Variants in PHYHIPL observed in about 807,000 individuals in gnomAD.
The protein encoded by PHYHIPL is phytanoyl-CoA 2-hydroxylase interacting protein like, also known as phytanoyl-CoA hydroxylase-interacting protein-like.
In PHYHIPL, 9 loss-of-function variants were observed where a neutral mutation model predicts 33.4. The ratio of observed to expected loss-of-function variants is 0.27; its 90% CI spans 0.16 to 0.47. The LOEUF is 0.47. Among genes scored for constraint, PHYHIPL ranks in the 20% least tolerant of loss-of-function variants. PHYHIPL has a pLI of 0.99. For synonymous variants in PHYHIPL, 153 were observed against 154.1 expected (o/e 0.99, Z 0.05); for missense variants, 365 against 460.7 (o/e 0.79, Z 1.90).
chr10:59,199,250 G>A (rs1329977451), intron 1 of PHYHIPL, among the ~76,000 whole-genome samples: 6 of 152,146 alleles, frequency 3.9e-5, no homozygotes, highest in Admixed American at 3.9e-4. Context: ...ATAAGGAAGG[G>A]ATCCAGTTTC....
rs562440022 is a variant in PHYHIPL at position 59,202,105 on chromosome 10, G to C, written c.106+25146G>C. Among the ~76,000 whole-genome samples the C allele has an allele frequency of 2.0e-5, 3 of 152,260 alleles. No homozygotes were observed. In the South Asian group the frequency reaches 6.2e-4, roughly 32 times the overall value. On this transcript the variant is annotated intron_variant, in intron 1 of 4. Transcript: ENST00000373880. Reference sequence around the variant, plus strand: ...GAATCACTCCAACGAAGGCTTAGTAGTGACTGGGGTTAGGGTAAGATTGAG... The same window carrying C: ...GAATCACTCCAACGAAGGCTTAGTACTGACTGGGGTTAGGGTAAGATTGAG...
intron 1 of PHYHIPL, among the ~76,000 whole-genome samples, chr10:59,198,177 A>G (rs542477635): frequency 6.6e-6 from 1 of 152,148 alleles, no homozygotes; most frequent in South Asian, 2.1e-4. Flanking sequence ...TACATTACGT[A>G]TATCTCCTAA....
chr10:59,200,011 A>G (rs922863203), intron 1 of PHYHIPL, among the ~76,000 whole-genome samples: 2 of 150,788 alleles, frequency 1.3e-5, no homozygotes, highest in East Asian at 1.9e-4. Flanking sequence ...AACAGGGTCA[A>G]TTTGACTTCC....
chr10:59,185,156 A>G (rs913699806), intron 1 of PHYHIPL, among the ~76,000 whole-genome samples: 11 of 151,090 alleles, frequency 7.3e-5, no homozygotes, highest in African/African-American at 1.9e-4. Flanking sequence ...ACGCCCGGCT[A>G]ATTTTTTGTA....
chr10:59,188,227 G>A (rs889182083), intron 1 of PHYHIPL, among the ~76,000 whole-genome samples: 3 of 152,018 alleles, frequency 2.0e-5, no homozygotes, highest in Admixed American at 6.6e-5. Flanking sequence ...TTATGTACCC[G>A]GTAGTCATTC....
At position 59,245,121 on chromosome 10, in the gene PHYHIPL, A is replaced by C. The variant is rs1840609998; in HGVS notation, c.661A>C (p.Ile221Leu). 1.2e-6 allele frequency: 2 copies of C among 1,613,962 alleles called. No individual in the cohort carries two copies. Among genetic ancestry groups the C allele is most frequent in the African/African-American group, 2.7e-5 (2 of 74,926 alleles). ...TAACAGTGGTAGCCATGGCTCTCCT[A>C]TCAGTGGAAAATTAGAAGGCATCTT... The part of the protein sequence containing the change: ...KDNSGSHGSP[I>L]SGKLEGIFFS... Residue 221 changes from isoleucine to leucine, a missense_variant, in exon 5 of 5, where the codon ATC becomes CTC. Physicochemically the swap from Ile to Leu is conservative, Grantham distance 5 (BLOSUM62 2). Transcript: ENST00000373880.
chr10:59,236,441 C>T, intron 2 of PHYHIPL, 42 bp from the exon 3 acceptor site: 1 of 1,329,172 alleles, frequency 7.5e-7, no homozygotes, highest in South Asian at 1.6e-5. Context: ...CCCTCTCTGT[C>T]TCCCCTCATT....
intron 4 of PHYHIPL, among the ~76,000 whole-genome samples, chr10:59,241,650 C>T (rs1359460250): frequency 6.6e-6 from 1 of 152,044 alleles, no homozygotes; most frequent in Non-Finnish European, 1.5e-5. Flanking sequence ...CATGTAATTG[C>T]ACTTATAGAT....
At chr10:59,223,214 A>T (rs1839827727) in intron 1 of PHYHIPL, among the ~76,000 whole-genome samples, 1 of 152,196 alleles carries the variant, frequency 6.6e-6, no homozygotes, top group Non-Finnish European at 1.5e-5. Context: ...AAACTTAAAA[A>T]TTTGTACGGG....
chr10:59,217,978 C>T (rs374558965), intron 1 of PHYHIPL, among the ~76,000 whole-genome samples: 6 of 151,942 alleles, frequency 3.9e-5, no homozygotes, highest in African/African-American at 1.5e-4. Context: ...TCCAGTTGAC[C>T]GTCCAAAGAA....
chr10:59,189,764 A>T (rs1204893259), intron 1 of PHYHIPL, among the ~76,000 whole-genome samples: 1 of 152,010 alleles, frequency 6.6e-6, no homozygotes, highest in Non-Finnish European at 1.5e-5. Flanking sequence ...TCTTGAGTCT[A>T]AGGAGCAACA....
intron 1 of PHYHIPL, among the ~76,000 whole-genome samples, chr10:59,228,966 G>A (rs1449042393): frequency 3.3e-5 from 5 of 152,116 alleles, no homozygotes; most frequent in African/African-American, 1.2e-4. Flanking sequence ...GTGGGACTAA[G>A]GAGCAATGGT....
intron 4 of PHYHIPL, among the ~76,000 whole-genome samples, chr10:59,244,578 A>AAAAAAAAAAC: frequency 6.7e-6 from 1 of 149,304 alleles, no homozygotes; most frequent in African/African-American, 2.5e-5. Context: ...AAAAAAAAAA[A>AAAAAAAAAAC]AAAAAAAAGC....
chr10:59,209,453 G>A (rs982602233), intron 1 of PHYHIPL, among the ~76,000 whole-genome samples: 1 of 152,108 alleles, frequency 6.6e-6, no homozygotes, highest in Non-Finnish European at 1.5e-5. Flanking sequence ...GGGAGCAACC[G>A]GTACCAGCCA....
At chr10:59,180,350 A>G (rs1452616695) in intron 1 of PHYHIPL, among the ~76,000 whole-genome samples, 8 of 98,070 alleles carry the variant, frequency 8.2e-5, no homozygotes, top group Non-Finnish European at 1.8e-4. Flanking sequence ...ATATATATAT[A>G]TATATATATA....
chr10:59,242,838 A>G (rs1003531939), intron 4 of PHYHIPL, among the ~76,000 whole-genome samples: 2 of 152,222 alleles, frequency 1.3e-5, no homozygotes, highest in African/African-American at 4.8e-5. Context: ...TTGAAGATAG[A>G]ATAGAAATTA....
chr10:59,228,483 C>A (rs1839990583), intron 1 of PHYHIPL, among the ~76,000 whole-genome samples: 1 of 151,936 alleles, frequency 6.6e-6, no homozygotes, highest in African/African-American at 2.4e-5. Flanking sequence ...GTTTTCCTTT[C>A]ACTGAATTTT....
chr10:59,235,491 A>G (rs557536723), intron 2 of PHYHIPL, among the ~76,000 whole-genome samples: 197 of 151,874 alleles, frequency 1.3e-3, no homozygotes, highest in African/African-American at 4.6e-3. Flanking sequence ...ACCTAGAAAT[A>G]TTGCTTTTAT....
intron 1 of PHYHIPL, among the ~76,000 whole-genome samples, chr10:59,228,617 C>T (rs906484943): frequency 6.6e-6 from 1 of 152,064 alleles, no homozygotes; most frequent in Non-Finnish European, 1.5e-5. Context: ...CACACATACA[C>T]GTAATTACAA....
Sources: allele counts gnomAD v4.1 joint callset (sites outside exome capture counted in the v4.1 genomes callset), GRCh38; gene constraint gnomAD v4.1.1; transcripts MANE v1.5; gene names NCBI Gene and HGNC (gene_info 2026-07-23, HGNC 2026-07-21).